Variants in COL12A1 observed in about 807,000 individuals in gnomAD.
The protein encoded by COL12A1 is collagen type XII alpha 1 chain.
Under a neutral mutation model 349.7 loss-of-function variants are expected in COL12A1, and 114 were observed. That is an observed-to-expected ratio of 0.33 (90% CI 0.28 to 0.38). The LOEUF (loss-of-function observed/expected upper bound fraction) is 0.38. COL12A1 is among the 10% of genes least tolerant of loss of function. The pLI, the probability that COL12A1 is intolerant of heterozygous loss-of-function variation, is 1.00. For missense variants in COL12A1, 3,284 were observed against 3,756.9 expected (o/e 0.87, Z 3.29); for synonymous variants, 1,369 against 1,329.0 (o/e 1.03, Z -0.66).
chr6:75,203,549 T>C (rs909417521), intron 1 of COL12A1, among the ~76,000 whole-genome samples: 14 of 152,242 alleles, frequency 9.2e-5, no homozygotes, highest in African/African-American at 3.1e-4. Flanking sequence ...AAATTATCAA[T>C]AATAATCTTT....
chr6:75,123,217 C>G (rs1028203574), intron 43 of COL12A1, 113 bp downstream of exon 43: 7 of 965,254 alleles, frequency 7.3e-6, no homozygotes, highest in African/African-American at 1.6e-5. Context: ...TCTTCAGCAG[C>G]AATAATAGAT....
chr6:75,145,289 G>A (rs891287374), intron 25 of COL12A1, 37 bp downstream of exon 25: 15 of 1,532,210 alleles, frequency 9.8e-6, no homozygotes, highest in Non-Finnish European at 1.3e-5. Flanking sequence ...TATGCTCACA[G>A]CAATAAGAAG....
chr6:75,130,893 G>A lies in COL12A1; in HGVS notation c.6026C>T (p.Ser2009Leu), dbSNP rs776981761. 7 of 1,613,938 alleles carry A rather than the reference G, an allele frequency of 4.3e-6. No homozygotes were observed. Among genetic ancestry groups the A allele is most frequent in the Non-Finnish European group, 5.9e-6 (7 of 1,179,994 alleles). Residue 2009 changes from serine (S) to leucine (L), a missense_variant, in exon 36 of 66, where the codon TCG (serine) becomes TTG (leucine). Ser to Leu is a moderately radical substitution (Grantham distance 145). This residue lies in a region of COL12A1 where 2,601 missense variants were observed against 2,824.8 expected (regional missense o/e 0.92). Transcript: ENST00000322507. ...AGGGCTGGGATTTCCCTCTCCATCC[G>A]AGTACAGAGCCACAAGGTTCACGGA... ...LYSVNLVALY[S>L]DGEGNPSPAQ...
intron 2 of COL12A1, among the ~76,000 whole-genome samples, chr6:75,199,156 C>A (rs992360988): frequency 6.6e-6 from 1 of 152,156 alleles, no homozygotes; most frequent in African/African-American, 2.4e-5. Flanking sequence ...AGTTGTCAAG[C>A]ACAAACAAAG....
intron 4 of COL12A1, 105 bp downstream of exon 4, chr6:75,192,107 A>G: frequency 2.3e-6 from 2 of 864,296 alleles, no homozygotes; most frequent in Non-Finnish European, 3.4e-6. Flanking sequence ...AATAGTTAGT[A>G]CTGCTGTAAA....
intron 2 of COL12A1, among the ~76,000 whole-genome samples, chr6:75,199,709 C>A (rs987857146): frequency 6.6e-6 from 1 of 152,120 alleles, no homozygotes; most frequent in African/African-American, 2.4e-5. Context: ...AAAGTCTATG[C>A]AGTGATGCGG....
intron 13 of COL12A1, among the ~76,000 whole-genome samples, chr6:75,172,773 C>T (rs1768703394): frequency 6.6e-6 from 1 of 152,100 alleles, no homozygotes; most frequent in Non-Finnish European, 1.5e-5. Context: ...AATACTAAAG[C>T]TATACAGTTG....
chr6:75,184,690 G>A (rs1396434241), intron 8 of COL12A1, among the ~76,000 whole-genome samples: 1 of 152,088 alleles, frequency 6.6e-6, no homozygotes, highest in Admixed American at 6.6e-5. Flanking sequence ...AAGAAAAAAA[G>A]TTCAACTATG....
Position 75,184,233 on chromosome 6 carries a change from A to T in COL12A1, c.998-89T>A. 2.3e-6 allele frequency: 3 copies of T among 1,308,056 alleles called. No homozygotes were observed. In the Admixed American group the frequency reaches 6.4e-5, roughly 28 times the overall value. 81.0% of individuals were successfully genotyped at this position (1,308,056 alleles called of 1,614,324 possible). On this transcript the variant is annotated intron_variant, in intron 8 of 65. Coordinates refer to ENST00000322507, the MANE Select transcript of COL12A1 (RefSeq NM_004370.6). ...TAGGTTTGGACCTTCAAATCTCCTT[A>T]TTCAAATTCATCCTAAATACATTGA...
At chr6:75,094,743 C>T (rs1253523697) in intron 60 of COL12A1, among the ~76,000 whole-genome samples, 3 of 152,202 alleles carry the variant, frequency 2.0e-5, no homozygotes, top group East Asian at 1.9e-4. Flanking sequence ...GGGATGGAGG[C>T]GCTGTGCACC....
chr6:75,100,021 C>A (rs1365661910), intron 58 of COL12A1, among the ~76,000 whole-genome samples: 2 of 152,176 alleles, frequency 1.3e-5, no homozygotes, highest in African/African-American at 2.4e-5. Context: ...CAGCTATGCA[C>A]CCTCCTTTTT....
chr6:75,154,320 T>G, intron 17 of COL12A1, 96 bp downstream of exon 17: 1 of 1,328,658 alleles, frequency 7.5e-7, no homozygotes, highest in Admixed American at 2.7e-5. Context: ...GTGTAAAATT[T>G]GTATCATTGT....
intron 21 of COL12A1, among the ~76,000 whole-genome samples, chr6:75,149,767 C>T (rs758415235): frequency 1.2e-4 from 19 of 152,034 alleles, no homozygotes; most frequent in Non-Finnish European, 1.3e-4. Flanking sequence ...AGAGTCAAAC[C>T]TACAAAATTA....
Position 75,134,984 on chromosome 6 carries a change from C to A in COL12A1, c.5395-129G>T, listed in dbSNP as rs1332019. On this transcript the variant is annotated intron_variant, in intron 31 of 65. Coordinates refer to ENST00000322507, the MANE Select transcript of COL12A1 (RefSeq NM_004370.6). ...AAGTTCCAGAATTACATACCACAGT[C>A]AAGGTTTAACATACACCTTGTGGTA... The A allele has an allele frequency of 0.24, 200,831 of 853,502 alleles. 24,722 individuals are homozygous for A. The highest frequency in any genetic ancestry group is 0.42 in the South Asian group (13,745 of 32,732). 52.9% of individuals were successfully genotyped at this position (853,502 alleles called of 1,614,324 possible). A position where few individuals can be genotyped will look rare whatever the true frequency, so the allele number is the denominator to read the frequency against.
At chr6:75,146,980 T>C (rs1006407537) in intron 23 of COL12A1, among the ~76,000 whole-genome samples, 1 of 152,208 alleles carries the variant, frequency 6.6e-6, no homozygotes, top group Non-Finnish European at 1.5e-5. Flanking sequence ...AAAGTGGCTT[T>C]CCTTCTTCTC....
At chr6:75,147,870 T>C in intron 22 of COL12A1, 66 bp from the exon 23 acceptor site, 1 of 1,533,428 alleles carries the variant, frequency 6.5e-7, no homozygotes, top group Middle Eastern at 1.7e-4. Flanking sequence ...CTACTATACT[T>C]ACAAAGTAGT....
intron 43 of COL12A1, 25 bp downstream of exon 43, chr6:75,123,305 G>T (rs754968800): frequency 1.4e-5 from 23 of 1,587,392 alleles, no homozygotes; most frequent in Non-Finnish European, 1.9e-5. Flanking sequence ...TCAGCTGAAC[G>T]TATTGCCTAT....
intron 14 of COL12A1, among the ~76,000 whole-genome samples, chr6:75,163,788 GT>G (rs1489133815): frequency 6.6e-6 from 1 of 152,082 alleles, no homozygotes; most frequent in African/African-American, 2.4e-5. Context: ...GATTTATTTA[GT>G]TTCTGCCACC....
Position 75,181,119 on chromosome 6 carries a change from A to G in COL12A1, c.1984T>C (p.Tyr662His). 3 of 1,614,048 alleles carry G rather than the reference A, an allele frequency of 1.9e-6. No homozygotes were observed. Among genetic ancestry groups the G allele is most frequent in the South Asian group, 2.2e-5 (2 of 91,070 alleles). ...WSPAGENVFS[Y>H]HITYKEAAGD... ...GCCGCTTCCTTGTAGGTGATGTGAT[A>G]TGAAAAAACATTTTCTCCAGCTGGA... Residue 662 changes from tyrosine to histidine, a missense_variant, in exon 11 of 66, where the codon TAT becomes CAT. Tyr to His is a moderately conservative substitution (Grantham distance 83). Coordinates refer to ENST00000322507, the MANE Select transcript of COL12A1 (RefSeq NM_004370.6).
Sources: allele counts gnomAD v4.1 joint callset (sites outside exome capture counted in the v4.1 genomes callset), GRCh38; gene constraint gnomAD v4.1.1; regional missense constraint gnomAD v4.1.1; transcripts MANE v1.5; gene names NCBI Gene and HGNC (gene_info 2026-07-23, HGNC 2026-07-21).